KANSL1: variants seen among roughly 807,000 people sequenced by gnomAD.
The protein encoded by KANSL1 is KAT8 regulatory NSL complex subunit 1.
In KANSL1, 22 loss-of-function variants were observed where a neutral mutation model predicts 103.6. That is an observed-to-expected ratio of 0.21 (90% CI 0.15 to 0.30). The LOEUF is 0.30. Among genes scored for constraint, KANSL1 ranks in the 10% least tolerant of loss-of-function variants. The pLI is 1.00. For missense variants in KANSL1, 1,337 were observed against 1,399.8 expected (o/e 0.96, Z 0.72); for synonymous variants, 600 against 527.6 (o/e 1.14, Z -1.88).
intron 2 of KANSL1, among the ~76,000 whole-genome samples, chr17:46,130,479 T>C (rs1222759908): frequency 6.6e-6 from 1 of 152,212 alleles, no homozygotes; most frequent in Non-Finnish European, 1.5e-5. Flanking sequence ...AGTGGGCATT[T>C]TGGAGCACAG....
intron 5 of KANSL1, 23 bp downstream of exon 5, chr17:46,067,526 G>T: frequency 7.6e-7 from 1 of 1,318,526 alleles, no homozygotes; most frequent in Non-Finnish European, 1.1e-6. Context: ...CTAAGTGTAG[G>T]AAGTAGAAGA....
intron 2 of KANSL1, among the ~76,000 whole-genome samples, chr17:46,095,166 T>C (rs2042008089): frequency 6.6e-6 from 1 of 152,234 alleles, no homozygotes; most frequent in Non-Finnish European, 1.5e-5. Context: ...AAACTAATGA[T>C]ATATTAAATA....
intron 2 of KANSL1, among the ~76,000 whole-genome samples, chr17:46,136,117 G>A (rs1474177288): frequency 2.0e-5 from 3 of 152,074 alleles, no homozygotes; most frequent in Non-Finnish European, 4.4e-5. Flanking sequence ...GAGAAGCTGG[G>A]CACTGCATCC....
intron 2 of KANSL1, among the ~76,000 whole-genome samples, chr17:46,131,102 G>A (rs139095310): frequency 2.0e-5 from 3 of 152,138 alleles, no homozygotes; most frequent in Non-Finnish European, 2.9e-5. Context: ...ACTGCCACCC[G>A]TCTTATTTTT....
intron 3 of KANSL1, chr17:46,088,383 G>A (rs1461752650): frequency 6.6e-6 from 1 of 152,208 alleles, no homozygotes; most frequent in East Asian, 1.9e-4. Context: ...GAAAAGATAA[G>A]TTGTCTAAAG....
chr17:46,186,813 C>A (rs180860014), intron 1 of KANSL1, among the ~76,000 whole-genome samples: 138 of 152,314 alleles, frequency 9.1e-4, no homozygotes, highest in Non-Finnish European at 1.5e-3. Context: ...ACTACAACCT[C>A]CGCCTCCAGG....
At chr17:46,069,983 G>A (rs2146690141) in intron 4 of KANSL1, among the ~76,000 whole-genome samples, 1 of 152,062 alleles carries the variant, frequency 6.6e-6, no homozygotes, top group South Asian at 2.1e-4. Flanking sequence ...AAAAATTACA[G>A]TAAATCTGGC....
intron 2 of KANSL1, 118 bp downstream of exon 2, chr17:46,170,737 C>G: frequency 1.7e-6 from 2 of 1,198,548 alleles, no homozygotes; most frequent in Non-Finnish European, 2.3e-6. Flanking sequence ...AGGGAAAAAA[C>G]AAACAGAACC....
chr17:46,050,979 T>C (rs923873293), intron 6 of KANSL1, among the ~76,000 whole-genome samples: 1 of 152,232 alleles, frequency 6.6e-6, no homozygotes, highest in Non-Finnish European at 1.5e-5. Flanking sequence ...CTTACCTAGG[T>C]ATCAAACTTC....
chr17:46,132,479 A>G (rs1276729133), intron 2 of KANSL1, among the ~76,000 whole-genome samples: 1 of 152,216 alleles, frequency 6.6e-6, no homozygotes, highest in Admixed American at 6.5e-5. Context: ...TACCATCAGC[A>G]TCATTTGGGA....
In KANSL1 at chr17:46,091,880, G is replaced by A. The variant is rs372597681; in HGVS notation, c.1431+2680C>T. Among the ~76,000 whole-genome samples the A allele has an allele frequency of 1.0e-4, 15 of 145,754 alleles. No homozygotes were observed. In the South Asian group the frequency reaches 2.3e-3, roughly 23 times the overall value. ...TTTGCCCAGGCTGGAGTGCAGTGTC[G>A]CGATCTCAGCTCACTGCACCCTGTC... On this transcript the variant is annotated intron_variant, in intron 3 of 14. Coordinates refer to ENST00000432791, the MANE Select transcript of KANSL1 (RefSeq NM_015443.4).
intron 2 of KANSL1, among the ~76,000 whole-genome samples, chr17:46,115,101 T>C (rs1188281193): frequency 6.6e-6 from 1 of 152,124 alleles, no homozygotes; most frequent in Admixed American, 6.6e-5. Flanking sequence ...GCTCTTGTCA[T>C]GCAGGCAGGA....
intron 6 of KANSL1, among the ~76,000 whole-genome samples, chr17:46,059,453 T>C (rs1156425139): frequency 6.6e-6 from 1 of 151,676 alleles, no homozygotes. Flanking sequence ...ACCCCGTCTC[T>C]ACTAAAAATA....
chr17:46,107,177 T>C (rs889310318), intron 2 of KANSL1, among the ~76,000 whole-genome samples: 2 of 152,220 alleles, frequency 1.3e-5, no homozygotes, highest in Non-Finnish European at 2.9e-5. Context: ...TTTCCTTCAA[T>C]ACCAGGGAAG....
chr17:46,031,869 TG>T (rs1598440722), intron 14 of KANSL1, 166 bp from the exon 15 acceptor site: 1 of 1,062,166 alleles, frequency 9.4e-7, no homozygotes, highest in Non-Finnish European at 1.4e-6. Context: ...ACAACTGTAT[TG>T]ATCATTTAGC....
chr17:46,042,288 A>G (rs2077354009), intron 7 of KANSL1: 2 of 152,196 alleles, frequency 1.3e-5, no homozygotes, highest in South Asian at 4.1e-4. Flanking sequence ...TGAGGATAAG[A>G]AGGCAGGGAA....
At chr17:46,117,455 T>G (rs572619984) in intron 2 of KANSL1, among the ~76,000 whole-genome samples, 3 of 152,400 alleles carry the variant, frequency 2.0e-5, no homozygotes, top group South Asian at 4.1e-4. Flanking sequence ...ATTTTAATAG[T>G]TTCCTTTTAT....
chr17:46,071,107 G>C (rs1243717336), intron 4 of KANSL1, among the ~76,000 whole-genome samples: 1 of 152,142 alleles, frequency 6.6e-6, no homozygotes, highest in Non-Finnish European at 1.5e-5. Context: ...ATGCTATTCA[G>C]CTTTAACATG....
intron 2 of KANSL1, among the ~76,000 whole-genome samples, chr17:46,111,752 T>C (rs936517767): frequency 1.3e-5 from 2 of 152,224 alleles, no homozygotes; most frequent in Non-Finnish European, 2.9e-5. Flanking sequence ...ACTACACATT[T>C]GGGAAGAAAG....
Sources: allele counts gnomAD v4.1 joint callset (sites outside exome capture counted in the v4.1 genomes callset), GRCh38; gene constraint gnomAD v4.1.1; transcripts MANE v1.5; gene names NCBI Gene and HGNC (gene_info 2026-07-23, HGNC 2026-07-21).